HSH2D: variants seen among roughly 807,000 people sequenced by gnomAD.
The protein encoded by HSH2D is hematopoietic SH2 domain containing, also known as hematopoietic SH2 domain-containing protein.
A neutral mutation model predicts 21.5 loss-of-function variants in HSH2D; 16 were observed. That is an observed-to-expected ratio of 0.74 (90% CI 0.50 to 1.13). The LOEUF is 1.13. HSH2D is among the 50% of genes most tolerant of loss of function. HSH2D has a pLI of 0.00. For synonymous variants in HSH2D, 172 were observed against 184.7 expected (o/e 0.93, Z 0.56); for missense variants, 418 against 441.4 (o/e 0.95, Z 0.47).
chr19:16,156,341 C>A (rs1373357818), intron 5 of HSH2D, among the ~76,000 whole-genome samples: 1 of 151,186 alleles, frequency 6.6e-6, no homozygotes, highest in African/African-American at 2.4e-5. Context: ...CAAAGCAAGA[C>A]CCTCTCAAAA....
Position 16,143,723 on chromosome 19 carries a change from C to T in HSH2D, c.-79C>T, listed in dbSNP as rs763237693. 2 of 453,978 alleles carry T rather than the reference C, an allele frequency of 4.4e-6. No homozygotes were observed. Among genetic ancestry groups the T allele is most frequent in the Non-Finnish European group, 8.9e-6 (2 of 225,478 alleles). 28.1% of individuals were successfully genotyped at this position (453,978 alleles called of 1,614,324 possible). ...CCTTGAATCGAAACCCAGGCTCCTG[C>T]AGGCACTGGCACAGCTACAGCGAGG... On this transcript the variant is annotated 5_prime_UTR_variant, in exon 1 of 6. Transcript: ENST00000613986.
At chr19:16,143,614 T>C, upstream of HSH2D, 4 of 349,060 alleles carry the variant, frequency 1.1e-5, no homozygotes, top group East Asian at 9.6e-5. Context: ...ACTTGAGCTG[T>C]CCTTGTTCCG....
At chr19:16,152,793 T>G (rs1358469555) in intron 3 of HSH2D, 152 bp downstream of exon 3, 2 of 762,090 alleles carry the variant, frequency 2.6e-6, no homozygotes. Context: ...AAGCAATGAG[T>G]GAAGCTTTTG....
At chr19:16,142,644 G>A (rs1175289915), upstream of HSH2D, among the ~76,000 whole-genome samples, 17 of 152,032 alleles carry the variant, frequency 1.1e-4, no homozygotes, top group Non-Finnish European at 2.5e-4. Flanking sequence ...TGCAGTTTTA[G>A]TAGAGACGGG....
At chr19:16,143,609 A>T, upstream of HSH2D, 1 of 324,870 alleles carries the variant, frequency 3.1e-6, no homozygotes, top group Middle Eastern at 4.7e-4. Flanking sequence ...GGGTGACTTG[A>T]GCTGTCCTTG....
rs570798955 is a variant in HSH2D, at chr19:16,147,634, T to G, written c.-27-1090T>G. 1.1e-3 allele frequency among the ~76,000 whole-genome samples: 169 copies of G among 150,304 alleles called. 2 individuals carry two copies. Among genetic ancestry groups the G allele is most frequent in the Middle Eastern group, 3.5e-3 (1 of 286 alleles). On this transcript the variant is annotated intron_variant, in intron 1 of 5. Transcript: ENST00000613986. Reference sequence around the variant, plus strand: ...AAAAAATCACAAGCCAGTGGTTTTTTTTTTGTTTTGTTTTGTTTTGTTTTG... The same window carrying G: ...AAAAAATCACAAGCCAGTGGTTTTTGTTTTGTTTTGTTTTGTTTTGTTTTG...
chr19:16,140,040 T>G (rs1416860761), upstream of HSH2D: 1 of 152,334 alleles, frequency 6.6e-6, no homozygotes, highest in East Asian at 1.9e-4. Flanking sequence ...CTTAGGGGAC[T>G]GTGCTAGAGC....
At chr19:16,154,177 G>A (rs2145057104) in intron 4 of HSH2D, among the ~76,000 whole-genome samples, 1 of 152,230 alleles carries the variant, frequency 6.6e-6, no homozygotes, top group Non-Finnish European at 1.5e-5. Flanking sequence ...CCAAGAACGT[G>A]CTATGGGCGG....
chr19:16,142,463 G>GTTGGT (rs2091009233), upstream of HSH2D, among the ~76,000 whole-genome samples: 2 of 151,958 alleles, frequency 1.3e-5, no homozygotes, highest in South Asian at 4.2e-4. Context: ...TTTGGTTTTC[G>GTTGGT]TTGGTTTTGT....
At chr19:16,150,620 G>A (rs1295630872) in intron 2 of HSH2D, among the ~76,000 whole-genome samples, 1 of 151,558 alleles carries the variant, frequency 6.6e-6, no homozygotes, top group South Asian at 2.1e-4. Flanking sequence ...GAGACTTGCT[G>A]GAACCCTGCA....
rs115632437 is a variant in HSH2D at position 16,156,371 on chromosome 19, A to G, written c.475-839A>G. Among the ~76,000 whole-genome samples the G allele has an allele frequency of 2.6e-3, 398 of 151,536 alleles. 2 individuals carry two copies. The highest frequency in any genetic ancestry group is 9.4e-3 in the African/African-American group (387 of 41,322). ...TCAAAAAAAAAAAAGATTTGTAGAG[A>G]TGGGGTCTCACTACATTGCCCAGGC... On this transcript the variant is annotated intron_variant, in intron 5 of 5. Transcript: ENST00000613986.
In HSH2D at chr19:16,157,742, A is replaced by C. The variant is rs765033510; in HGVS notation, c.1007A>C (p.Gln336Pro). The C allele has an allele frequency of 6.2e-6, 10 of 1,612,418 alleles. No homozygotes were observed. The highest frequency in any genetic ancestry group is 8.5e-6 in the Non-Finnish European group (10 of 1,179,656). Residue 336 changes from glutamine (Q) to proline (P), a missense_variant, in exon 6 of 6, where the codon CAG becomes CCG. By Grantham distance (76) the Gln-to-Pro change is moderately conservative. Coordinates refer to ENST00000613986, the MANE Select transcript of HSH2D (RefSeq NM_001382417.1). The surrounding 1 kb of genome is among the most constrained non-coding windows in gnomAD (Gnocchi z 4.4). Reference sequence around the variant, plus strand: ...GGCTTGGCAGAGCCTGAGAACGACCAGCTCCCGGAGGAGTACCAACAACCG... The same window carrying C: ...GGCTTGGCAGAGCCTGAGAACGACCCGCTCCCGGAGGAGTACCAACAACCG... ...HQGLAEPEND[Q>P]LPEEYQQPPP... is the part of the protein sequence containing the mutation.
At chr19:16,151,681 C>T (rs979792499) in intron 2 of HSH2D, 1 of 441,194 alleles carries the variant, frequency 2.3e-6, no homozygotes, top group African/African-American at 2.1e-5. Flanking sequence ...GGAGGTCTGG[C>T]CTGAGATCAA....
At chr19:16,144,045 A>C (rs2091029997) in intron 1 of HSH2D, among the ~76,000 whole-genome samples, 1 of 152,066 alleles carries the variant, frequency 6.6e-6, no homozygotes, top group Non-Finnish European at 1.5e-5. Flanking sequence ...TAGGTCTAGA[A>C]TGTGGGTAGC....
At chr19:16,152,421 A>AG (rs2091171077) in intron 2 of HSH2D, 131 bp from the exon 3 acceptor site, 1 of 503,496 alleles carries the variant, frequency 2.0e-6, no homozygotes, top group Non-Finnish European at 3.3e-6. Context: ...CTGTCTCAAA[A>AG]AAAAAAAAAA....
intron 1 of HSH2D, chr19:16,134,294 A>G (rs2032883): frequency 0.14 from 21,652 of 152,198 alleles, 1,832 homozygotes; most frequent in East Asian, 0.29. Flanking sequence ...GTGTTTATGG[A>G]GCCAGTCACA....
chr19:16,134,380 C>G (rs1438449044), intron 1 of HSH2D: 1 of 152,224 alleles, frequency 6.6e-6, no homozygotes, highest in Non-Finnish European at 1.5e-5. Context: ...TAAACCGCAT[C>G]ACTTGTACAG....
chr19:16,156,627 G>A (rs1008542631), intron 5 of HSH2D, among the ~76,000 whole-genome samples: 1 of 152,320 alleles, frequency 6.6e-6, no homozygotes, highest in African/African-American at 2.4e-5. Context: ...CAACAGCAGA[G>A]CTACATAATT....
chr19:16,152,661 C>G lies in HSH2D; in HGVS notation c.215+20C>G. On this transcript the variant is annotated intron_variant, in intron 3 of 5. Transcript: ENST00000613986. ...CTACAAGTAAGGCCTGGGCCGGGAT[C>G]CAGGGCAGGGGCAGGTGGGCTCTTG... The G allele has an allele frequency of 5.9e-6, 9 of 1,536,074 alleles. No individual in the cohort carries two copies. Among genetic ancestry groups the G allele is most frequent in the Non-Finnish European group, 7.9e-6 (9 of 1,136,394 alleles).
Sources: allele counts gnomAD v4.1 joint callset (sites outside exome capture counted in the v4.1 genomes callset), GRCh38; gene constraint gnomAD v4.1.1; non-coding constraint Gnocchi (gnomAD v3.1); transcripts MANE v1.5; gene names NCBI Gene and HGNC (gene_info 2026-07-23, HGNC 2026-07-21).